Variants in DOCK9 observed in about 807,000 individuals in gnomAD.
DOCK9 encodes dedicator of cytokinesis 9, also known as dedicator of cytokinesis protein 9.
In DOCK9, 89 loss-of-function variants were observed where a neutral mutation model predicts 263.3. The observed-to-expected ratio is 0.34, with a 90% CI of 0.28 to 0.40. DOCK9 has a LOEUF of 0.40. Ranked by LOEUF, DOCK9 falls within the 10% of genes least tolerant of loss-of-function variation. The pLI, the probability that DOCK9 is intolerant of heterozygous loss-of-function variation, is 1.00. For missense variants in DOCK9, 2,140 were observed against 2,603.4 expected (o/e 0.82, Z 3.87); for synonymous variants, 976 against 973.1 (o/e 1.00, Z -0.06).
intron 2 of DOCK9, among the ~76,000 whole-genome samples, chr13:98,953,171 A>C (rs1415749744): frequency 6.6e-6 from 1 of 152,228 alleles, no homozygotes; most frequent in African/African-American, 2.4e-5. Context: ...GAAAACAAAT[A>C]ATTGTACCCA....
intron 1 of DOCK9, among the ~76,000 whole-genome samples, chr13:98,994,387 C>A: frequency 6.6e-6 from 1 of 152,296 alleles, no homozygotes; most frequent in East Asian, 1.9e-4. Context: ...GTTGTACCTG[C>A]CATATACTGG....
At chr13:99,031,550 T>C (rs1281665421) in intron 1 of DOCK9, among the ~76,000 whole-genome samples, 1 of 152,236 alleles carries the variant, frequency 6.6e-6, no homozygotes, top group African/African-American at 2.4e-5. Flanking sequence ...TTACATTGGT[T>C]CCTTAATATA....
chr13:98,811,421 AG>A lies in DOCK9; in HGVS notation c.5131-1131del, dbSNP rs201981478. 6.7e-4 allele frequency among the ~76,000 whole-genome samples: 87 copies of A among 129,136 alleles called. 1 individual carries two copies. Among genetic ancestry groups the A allele is most frequent in the African/African-American group, 2.3e-3 (78 of 33,802 alleles). The allele number at this position is 129,136 out of a possible 152,430, so 84.7% of individuals were successfully genotyped here. ...TTCTCCCAATCTGTGATTTGTCTCT[AG>A]GGTTTTTTTTTTAATATTAAATTTA... On this transcript the variant is annotated intron_variant, in intron 45 of 52. Transcript: ENST00000682017.
chr13:98,808,092 G>A (rs1435463960), intron 47 of DOCK9, among the ~76,000 whole-genome samples: 2 of 152,156 alleles, frequency 1.3e-5, no homozygotes, highest in African/African-American at 4.8e-5. Context: ...AGTCTAATGG[G>A]AGTCAAGCCT....
chr13:98,904,578 T>C (rs371669569), intron 10 of DOCK9, 54 bp downstream of exon 10: 47 of 1,308,174 alleles, frequency 3.6e-5, no homozygotes, highest in East Asian at 5.1e-5. Flanking sequence ...AGCCCATCGA[T>C]GATTTTCTCT....
chr13:98,885,370 G>T, intron 20 of DOCK9: 1 of 525,046 alleles, frequency 1.9e-6, no homozygotes, highest in Non-Finnish European at 3.4e-6. Flanking sequence ...TTGGGAGGCA[G>T]AGGTGGGCAG....
intron 1 of DOCK9, among the ~76,000 whole-genome samples, chr13:99,077,301 C>A (rs749374024): frequency 6.6e-6 from 1 of 152,090 alleles, no homozygotes; most frequent in Non-Finnish European, 1.5e-5. Flanking sequence ...TGGTGGAAGG[C>A]GACTGAATCA....
intron 36 of DOCK9, 60 bp downstream of exon 36, chr13:98,849,987 A>G: frequency 8.1e-7 from 1 of 1,232,180 alleles, no homozygotes; most frequent in South Asian, 1.3e-5. Context: ...AGTATTCTTC[A>G]AGCCTCTTAA....
intron 15 of DOCK9, among the ~76,000 whole-genome samples, chr13:98,889,800 T>G (rs2046348066): frequency 6.6e-6 from 1 of 152,216 alleles, no homozygotes; most frequent in Non-Finnish European, 1.5e-5. Flanking sequence ...AACCTGCCAT[T>G]TATATTACAG....
intron 49 of DOCK9, among the ~76,000 whole-genome samples, chr13:98,801,206 G>A (rs2090070941): frequency 6.6e-6 from 1 of 152,180 alleles, no homozygotes; most frequent in Non-Finnish European, 1.5e-5. Flanking sequence ...GGAGGCTTGA[G>A]CCCAGGAGGT....
intron 1 of DOCK9, among the ~76,000 whole-genome samples, chr13:99,000,466 G>C (rs1882072424): frequency 6.6e-6 from 1 of 152,088 alleles, no homozygotes; most frequent in Non-Finnish European, 1.5e-5. Context: ...CTTAGTAGAG[G>C]GTGGCTTGCA....
intron 1 of DOCK9, among the ~76,000 whole-genome samples, chr13:99,042,165 C>T (rs1057023132): frequency 1.3e-5 from 2 of 152,122 alleles, no homozygotes; most frequent in African/African-American, 4.8e-5. Context: ...TAAGTCAGGC[C>T]CTTTTACTTC....
chr13:98,819,287 C>A (rs2092112547), intron 45 of DOCK9, among the ~76,000 whole-genome samples: 4 of 152,218 alleles, frequency 2.6e-5, no homozygotes, highest in African/African-American at 7.2e-5. Context: ...ATCTCTGAGG[C>A]AGGGACTTCC....
At chr13:98,948,521 T>C (rs2057004407) in intron 2 of DOCK9, among the ~76,000 whole-genome samples, 2 of 152,240 alleles carry the variant, frequency 1.3e-5, no homozygotes, top group African/African-American at 4.8e-5. Flanking sequence ...AACGAAATCC[T>C]ATGCTTTTTA....
At chr13:98,906,292 A>G (rs1357562779) in intron 9 of DOCK9, among the ~76,000 whole-genome samples, 1 of 152,112 alleles carries the variant, frequency 6.6e-6, no homozygotes, top group East Asian at 1.9e-4. Context: ...CCAACATTGA[A>G]GAGGTGGACA....
At chr13:99,072,735 A>G (rs1263567368) in intron 1 of DOCK9, among the ~76,000 whole-genome samples, 1 of 152,182 alleles carries the variant, frequency 6.6e-6, no homozygotes, top group Non-Finnish European at 1.5e-5. Flanking sequence ...GCATGGTGGT[A>G]CACATATGTA....
At chr13:98,914,692 T>C (rs773582315) in intron 8 of DOCK9, among the ~76,000 whole-genome samples, 5 of 152,132 alleles carry the variant, frequency 3.3e-5, no homozygotes, top group African/African-American at 7.2e-5. Flanking sequence ...AAGTCAGACC[T>C]GCCCAGGCTC....
chr13:98,923,364 C>A lies in DOCK9; in HGVS notation c.424G>T (p.Val142Phe). 6.2e-7 allele frequency: 1 copy of A among 1,613,742 alleles called. No homozygotes were observed. The highest frequency in any genetic ancestry group is 8.5e-7 in the Non-Finnish European group (1 of 1,179,718). ...GEFRQLPNKV[V>F]KLDKLPVHVY... ...TGAACTGGAAGTTTATCCAACTTGA[C>A]CACTTTGCTATAAAAACAACAAAGA... The change falls in exon 5 of 53, where the codon GTC becomes TTC. Residue 142 changes from valine (V) to phenylalanine (F), a missense_variant. Physicochemically the swap from Val to Phe is conservative, Grantham distance 50 (BLOSUM62 -1). Transcript: ENST00000682017.
intron 1 of DOCK9, among the ~76,000 whole-genome samples, chr13:99,039,804 A>G (rs142094629): frequency 0.028 from 4,214 of 152,292 alleles, 95 homozygotes; most frequent in South Asian, 0.063. Flanking sequence ...GGACTGTCCT[A>G]TGGAGTTAAA....
Sources: allele counts gnomAD v4.1 joint callset (sites outside exome capture counted in the v4.1 genomes callset), GRCh38; gene constraint gnomAD v4.1.1; transcripts MANE v1.5; gene names NCBI Gene and HGNC (gene_info 2026-07-23, HGNC 2026-07-21).